Variants in GABRB3 observed in about 807,000 individuals in gnomAD.
GABRB3 encodes gamma-aminobutyric acid receptor subunit beta-3.
In GABRB3, 14 loss-of-function variants were observed where a neutral mutation model predicts 52.1. The observed-to-expected ratio is 0.27, with a 90% CI of 0.18 to 0.42. GABRB3 has a LOEUF of 0.42. GABRB3 is among the 10% of genes least tolerant of loss of function. The pLI is 1.00. For missense variants in GABRB3, 307 were observed against 609.1 expected, an observed-to-expected ratio of 0.50 and a Z score of 5.22; for synonymous variants, 260 against 232.3, an observed-to-expected ratio of 1.12 and a Z score of -1.08.
At chr15:26,556,325 C>A (rs1388208310) in intron 8 of GABRB3, among the ~76,000 whole-genome samples, 1 of 152,138 alleles carries the variant, frequency 6.6e-6, no homozygotes, top group African/African-American at 2.4e-5. Flanking sequence ...ATCTCATTCT[C>A]TAATTTTCTT....
At chr15:26,664,115 G>C (rs373738128) in intron 3 of GABRB3, among the ~76,000 whole-genome samples, 2 of 152,114 alleles carry the variant, frequency 1.3e-5, no homozygotes, top group South Asian at 4.1e-4. Flanking sequence ...GCTGATCATA[G>C]CTCCCTATAA....
intron 3 of GABRB3, among the ~76,000 whole-genome samples, chr15:26,700,268 G>A (rs966367596): frequency 2.6e-5 from 4 of 152,068 alleles, no homozygotes; most frequent in South Asian, 2.1e-4. Flanking sequence ...CTTCAAAGAC[G>A]AACTATTGAA....
Position 26,696,363 on chromosome 15 carries a change from C to T in GABRB3, c.241-74829G>A, listed in dbSNP as rs552729933. Among the ~76,000 whole-genome samples the T allele has an allele frequency of 1.2e-4, 18 of 151,410 alleles. 1 individual carries two copies. The South Asian group carries it at 3.1e-3, about 26-fold the overall frequency. On this transcript the variant is annotated intron_variant, in intron 3 of 8. Transcript: ENST00000311550. ...CACCTTTTTAAGATAGGTACTACTG[C>T]TATTACTATTATAATTACTGTTATT...
intron 3 of GABRB3, among the ~76,000 whole-genome samples, chr15:26,715,766 A>G (rs1334877046): frequency 6.6e-6 from 1 of 152,166 alleles, no homozygotes; most frequent in Non-Finnish European, 1.5e-5. Context: ...TGCCTGAATC[A>G]TCTGTTGTCT....
intron 3 of GABRB3, among the ~76,000 whole-genome samples, chr15:26,670,483 G>A (rs1021223837): frequency 5.3e-5 from 8 of 152,166 alleles, no homozygotes; most frequent in Non-Finnish European, 1.2e-4. Flanking sequence ...TTCGGAGCAC[G>A]GCCTGGGAAG....
At chr15:26,664,704 G>GTTTTTTTT (rs1162139952) in intron 3 of GABRB3, among the ~76,000 whole-genome samples, 10 of 95,224 alleles carry the variant, frequency 1.1e-4, no homozygotes, top group African/African-American at 1.7e-4. Context: ...TCTTTTCTTT[G>GTTTTTTTT]TTTTTTTTTT....
intron 8 of GABRB3, among the ~76,000 whole-genome samples, chr15:26,556,559 A>T (rs1889759052): frequency 6.6e-6 from 1 of 152,348 alleles, no homozygotes; most frequent in South Asian, 2.1e-4. Flanking sequence ...TTACAACCAA[A>T]GATGAACTCT....
At chr15:26,738,891 G>A (rs1890132712) in intron 3 of GABRB3, among the ~76,000 whole-genome samples, 1 of 152,046 alleles carries the variant, frequency 6.6e-6, no homozygotes, top group South Asian at 2.1e-4. Context: ...ACATAACAGA[G>A]GAAGAGAAAG....
chr15:26,586,396 T>A (rs868695785), intron 4 of GABRB3, among the ~76,000 whole-genome samples: 2 of 9,980 alleles, frequency 2.0e-4, no homozygotes, highest in African/African-American at 7.0e-4. Context: ...AAACCACCCC[T>A]AACACACACA....
chr15:26,762,990 G>T (rs1890860944), intron 3 of GABRB3, among the ~76,000 whole-genome samples: 1 of 152,192 alleles, frequency 6.6e-6, no homozygotes, highest in Admixed American at 6.5e-5. Flanking sequence ...ATGCTTAAGA[G>T]CCTCAACAAA....
At chr15:26,692,744 C>A (rs1888624873) in intron 3 of GABRB3, among the ~76,000 whole-genome samples, 1 of 152,122 alleles carries the variant, frequency 6.6e-6, no homozygotes, top group African/African-American at 2.4e-5. Flanking sequence ...AGAAAAAAAT[C>A]TTTTTCGTAT....
chr15:26,609,087 C>A (rs889067211), intron 4 of GABRB3, among the ~76,000 whole-genome samples: 5 of 120,906 alleles, frequency 4.1e-5, no homozygotes. Context: ...TAATGATACA[C>A]ACACACACAC....
chr15:26,603,043 A>C (rs555784642), intron 4 of GABRB3, among the ~76,000 whole-genome samples: 2 of 152,176 alleles, frequency 1.3e-5, no homozygotes, highest in South Asian at 2.1e-4. Context: ...AAGAGAGGGA[A>C]GATGAAAATA....
chr15:26,620,453 C>T (rs891317231), intron 4 of GABRB3, among the ~76,000 whole-genome samples: 18 of 152,166 alleles, frequency 1.2e-4, no homozygotes, highest in African/African-American at 4.1e-4. Flanking sequence ...GCTCACAACA[C>T]TTTCAGATAC....
intron 3 of GABRB3, among the ~76,000 whole-genome samples, chr15:26,751,900 T>C (rs1010953114): frequency 6.6e-6 from 1 of 152,220 alleles, no homozygotes; most frequent in African/African-American, 2.4e-5. Context: ...CTATGTAACA[T>C]GGCTTTCAAT....
intron 3 of GABRB3, among the ~76,000 whole-genome samples, chr15:26,643,856 C>G (rs979896992): frequency 2.0e-5 from 3 of 152,224 alleles, no homozygotes; most frequent in African/African-American, 7.2e-5. Flanking sequence ...AACTACGGAT[C>G]CTTCCCTTTT....
At chr15:26,609,618 T>C (rs1891989382) in intron 4 of GABRB3, among the ~76,000 whole-genome samples, 1 of 152,172 alleles carries the variant, frequency 6.6e-6, no homozygotes, top group South Asian at 2.1e-4. Context: ...AGGCAGCTGC[T>C]ATATAGTGTC....
chr15:26,724,778 G>C (rs1434896012), intron 3 of GABRB3, among the ~76,000 whole-genome samples: 1 of 152,136 alleles, frequency 6.6e-6, no homozygotes, highest in Non-Finnish European at 1.5e-5. Context: ...TCCTCCTACA[G>C]TGTATTAAAT....
chr15:26,616,175 G>A, intron 4 of GABRB3: 1 of 935,616 alleles, frequency 1.1e-6, no homozygotes, highest in East Asian at 6.1e-5. Context: ...GGGAAGGTGG[G>A]CCTTGGGGCC....
Sources: allele counts gnomAD v4.1 joint callset (sites outside exome capture counted in the v4.1 genomes callset), GRCh38; gene constraint gnomAD v4.1.1; transcripts MANE v1.5; gene names NCBI Gene and HGNC (gene_info 2026-07-23, HGNC 2026-07-21).